MYO3B: variants seen among roughly 807,000 people sequenced by gnomAD.
MYO3B encodes myosin-IIIb.
In MYO3B, 156 loss-of-function variants were observed where a neutral mutation model predicts 174.6. That is an observed-to-expected ratio of 0.89 (90% CI 0.78 to 1.02). MYO3B has a LOEUF of 1.02. Among genes scored for constraint, MYO3B ranks in the 50% least tolerant of loss-of-function variants. The pLI, the probability that MYO3B is intolerant of heterozygous loss-of-function variation, is 0.00. For missense variants in MYO3B, 1,632 were observed against 1,639.4 expected (o/e 1.00, Z 0.08); for synonymous variants, 563 against 569.1 (o/e 0.99, Z 0.15).
chr2:170,513,442 C>T (rs1172346685), intron 28 of MYO3B, among the ~76,000 whole-genome samples: 1 of 152,174 alleles, frequency 6.6e-6, no homozygotes, highest in Non-Finnish European at 1.5e-5. Flanking sequence ...TTTCCATTGC[C>T]ATATGCGTTC....
intron 1 of MYO3B, among the ~76,000 whole-genome samples, chr2:170,198,947 C>T (rs1040085770): frequency 1.3e-5 from 2 of 152,108 alleles, no homozygotes; most frequent in African/African-American, 4.8e-5. Context: ...TTTACTCTCT[C>T]CTGTGGTGTG....
chr2:170,187,278 C>G (rs1316211145), intron 1 of MYO3B, among the ~76,000 whole-genome samples: 2 of 151,824 alleles, frequency 1.3e-5, no homozygotes, highest in Non-Finnish European at 1.5e-5. Flanking sequence ...TGTTTCCCAG[C>G]CTGTAGTGCA....
At position 170,542,889 on chromosome 2, in the gene MYO3B, T is replaced by C. The variant is rs369364157; in HGVS notation, c.3576-17T>C. ...TTTTCAAGTCTTTTAAAATTATTATTATTGTTATCTTTTCAGGCATTCACA... is the reference window on the plus strand; with the variant it reads ...TTTTCAAGTCTTTTAAAATTATTATCATTGTTATCTTTTCAGGCATTCACA... On this transcript the variant is annotated splice_polypyrimidine_tract_variant and intron_variant, in intron 30 of 34. Coordinates refer to ENST00000408978, the MANE Select transcript of MYO3B (RefSeq NM_138995.5). 25 of 1,575,202 alleles carry C rather than the reference T, an allele frequency of 1.6e-5. No individual in the cohort carries two copies. The South Asian group carries it at 2.6e-4, about 17-fold the overall frequency.
At chr2:170,295,701 G>A (rs1294038810) in intron 7 of MYO3B, among the ~76,000 whole-genome samples, 2 of 152,104 alleles carry the variant, frequency 1.3e-5, no homozygotes, top group Non-Finnish European at 2.9e-5. Context: ...TAGGATCAAA[G>A]TACAACCTTA....
intron 32 of MYO3B, among the ~76,000 whole-genome samples, chr2:170,634,484 A>G (rs1376922909): frequency 4.3e-5 from 4 of 92,542 alleles, no homozygotes; most frequent in African/African-American, 2.5e-4. Context: ...TGGATTAAAG[A>G]CTTACATGTT....
At chr2:170,533,555 T>C (rs987910318) in intron 30 of MYO3B, among the ~76,000 whole-genome samples, 3 of 152,134 alleles carry the variant, frequency 2.0e-5, no homozygotes, top group Non-Finnish European at 2.9e-5. Context: ...CTTAAACTGC[T>C]AGAACTGTAA....
In MYO3B at chr2:170,495,348, T is replaced by C. The variant is rs148420853; in HGVS notation, c.3015-3244T>C. Reference sequence around the variant, plus strand: ...ATTATTCCGTGAAGGAAACATATTATGCTTTTCTTACTTGATTACTATAGA... The same window carrying C: ...ATTATTCCGTGAAGGAAACATATTACGCTTTTCTTACTTGATTACTATAGA... On this transcript the variant is annotated intron_variant, in intron 25 of 34. Transcript: ENST00000408978. Among the ~76,000 whole-genome samples, 5 of 152,326 alleles carry C rather than the reference T, an allele frequency of 3.3e-5. No homozygotes were observed. In the East Asian group the frequency reaches 9.7e-4, roughly 29 times the overall value.
intron 5 of MYO3B, 26 bp from the exon 6 acceptor site, chr2:170,217,293 T>A: frequency 1.9e-6 from 3 of 1,607,330 alleles, no homozygotes; most frequent in Non-Finnish European, 2.6e-6. Context: ...TGCTCACTTT[T>A]GAATTCTGAT....
At chr2:170,640,780 A>T (rs1415058224) in intron 32 of MYO3B, 6 of 152,150 alleles carry the variant, frequency 3.9e-5, no homozygotes, top group Non-Finnish European at 7.3e-5. Flanking sequence ...GTGTGATGAT[A>T]CCATTTCACT....
intron 8 of MYO3B, among the ~76,000 whole-genome samples, chr2:170,339,034 G>T (rs113509997): frequency 0.011 from 1,695 of 152,272 alleles, 13 homozygotes; most frequent in Non-Finnish European, 0.018. Flanking sequence ...TATAAACAAT[G>T]ATATTCACTG....
chr2:170,360,110 A>G (rs950171341), intron 8 of MYO3B, among the ~76,000 whole-genome samples: 4 of 152,188 alleles, frequency 2.6e-5, no homozygotes, highest in Non-Finnish European at 5.9e-5. Flanking sequence ...AGTCCTGAGC[A>G]TGTAATGATC....
intron 25 of MYO3B, among the ~76,000 whole-genome samples, chr2:170,475,722 T>C (rs1055768088): frequency 3.3e-5 from 5 of 152,244 alleles, no homozygotes; most frequent in African/African-American, 1.2e-4. Flanking sequence ...AAGATGATCA[T>C]GTCACTCTCA....
chr2:170,368,963 A>C (rs1339394289), intron 8 of MYO3B, among the ~76,000 whole-genome samples: 1 of 152,244 alleles, frequency 6.6e-6, no homozygotes, highest in African/African-American at 2.4e-5. Flanking sequence ...GAGTACTTCA[A>C]GTTGATGGTA....
intron 1 of MYO3B, among the ~76,000 whole-genome samples, chr2:170,197,092 G>A (rs1329612281): frequency 1.3e-5 from 2 of 151,160 alleles, no homozygotes. Flanking sequence ...GCCCCACCCA[G>A]CAGCAACTCA....
chr2:170,607,686 A>C (rs1361845987), intron 32 of MYO3B, among the ~76,000 whole-genome samples: 1 of 152,234 alleles, frequency 6.6e-6, no homozygotes, highest in African/African-American at 2.4e-5. Context: ...GGTAATAGCT[A>C]GCTACATTTT....
chr2:170,387,540 C>T (rs1398122193), intron 14 of MYO3B, among the ~76,000 whole-genome samples: 1 of 152,092 alleles, frequency 6.6e-6, no homozygotes. Flanking sequence ...GCTTGTTTCT[C>T]CTGAGTTGGT....
At chr2:170,521,346 T>C (rs973934506) in intron 30 of MYO3B, among the ~76,000 whole-genome samples, 5 of 152,236 alleles carry the variant, frequency 3.3e-5, no homozygotes, top group African/African-American at 9.6e-5. Flanking sequence ...GAAAGATCAC[T>C]GAGCTTGGTT....
At chr2:170,591,376 A>T (rs1224111195) in intron 32 of MYO3B, among the ~76,000 whole-genome samples, 1 of 152,156 alleles carries the variant, frequency 6.6e-6, no homozygotes, top group African/African-American at 2.4e-5. Flanking sequence ...ATGAGTTCAA[A>T]CTACTTTCTC....
intron 9 of MYO3B, among the ~76,000 whole-genome samples, chr2:170,375,512 T>G (rs776382520): frequency 1.5e-4 from 6 of 39,772 alleles, no homozygotes; most frequent in African/African-American, 3.0e-4. Context: ...AGTTGCTGGG[T>G]TTTTTTTTTT....
Sources: gnomAD v4.1 joint callset for allele counts (sites outside exome capture counted in the v4.1 genomes callset) on GRCh38, gnomAD v4.1.1 for gene constraint, MANE v1.5 for transcripts, NCBI Gene and HGNC (gene_info 2026-07-23, HGNC 2026-07-21) for gene names.